Variants in PIK3C2G observed in about 807,000 individuals in gnomAD.
The protein encoded by PIK3C2G is phosphatidylinositol-4-phosphate 3-kinase catalytic subunit type 2 gamma.
PIK3C2G carries 168 observed loss-of-function variants against 181.1 expected under a neutral mutation model. That is an observed-to-expected ratio of 0.93 (90% CI 0.82 to 1.05). The LOEUF is 1.05. Among genes scored for constraint, PIK3C2G ranks in the 50% least tolerant of loss-of-function variants. PIK3C2G has a pLI of 0.00. For missense variants in PIK3C2G, 1,869 were observed against 1,732.8 expected, an observed-to-expected ratio of 1.08 and a Z score of -1.40; for synonymous variants, 573 against 592.2, an observed-to-expected ratio of 0.97 and a Z score of 0.47.
At chr12:18,350,895 CCT>C (rs1471391627) in intron 11 of PIK3C2G, among the ~76,000 whole-genome samples, 1 of 152,016 alleles carries the variant, frequency 6.6e-6, no homozygotes, top group Non-Finnish European at 1.5e-5. Context: ...TACCAGTATT[CCT>C]CTCTCAGGAA....
At chr12:18,544,882 C>T (rs768943591) in intron 25 of PIK3C2G, among the ~76,000 whole-genome samples, 38 of 151,746 alleles carry the variant, frequency 2.5e-4, no homozygotes, top group Admixed American at 5.3e-4. Context: ...CAATCTATCT[C>T]CCAGTTTTCT....
intron 18 of PIK3C2G, among the ~76,000 whole-genome samples, chr12:18,437,486 A>C (rs1946511318): frequency 6.6e-6 from 1 of 151,986 alleles, no homozygotes; most frequent in South Asian, 2.1e-4. Flanking sequence ...GACTCTTTAG[A>C]CTTGACAGTC....
At chr12:18,446,299 CAG>C (rs1201248863) in intron 18 of PIK3C2G, among the ~76,000 whole-genome samples, 1 of 152,126 alleles carries the variant, frequency 6.6e-6, no homozygotes, top group Non-Finnish European at 1.5e-5. Context: ...GGACAACATT[CAG>C]AGTCTCTCTT....
chr12:18,364,965 AATTTCTGGTTGTTTTAAAACATCAG>A (rs1273044645), intron 12 of PIK3C2G, among the ~76,000 whole-genome samples: 3 of 152,326 alleles, frequency 2.0e-5, no homozygotes, highest in South Asian at 2.1e-4. Context: ...AATTAAAAGT[AATTTCTGGTTGTTTTAAAACATCAG>A]ATTTATTTTC....
intron 10 of PIK3C2G, among the ~76,000 whole-genome samples, chr12:18,344,574 C>G (rs1939479011): frequency 6.6e-6 from 1 of 152,060 alleles, no homozygotes; most frequent in African/African-American, 2.4e-5. Context: ...CTGATTCTCC[C>G]TTTCTATCAG....
the PIK3C2G span, among the ~76,000 whole-genome samples, chr12:18,681,414 G>A: frequency 6.6e-6 from 1 of 151,912 alleles, no homozygotes; most frequent in African/African-American, 2.4e-5. Context: ...ATTTTTTCTT[G>A]TAAATGAATT....
intron 18 of PIK3C2G, among the ~76,000 whole-genome samples, chr12:18,450,279 A>G (rs1947276664): frequency 6.6e-6 from 1 of 152,146 alleles, no homozygotes; most frequent in Non-Finnish European, 1.5e-5. Flanking sequence ...GGCATGTGCC[A>G]CCACGCCTGG....
At chr12:18,520,502 A>G (rs1474374869) in intron 24 of PIK3C2G, among the ~76,000 whole-genome samples, 2 of 152,118 alleles carry the variant, frequency 1.3e-5, no homozygotes, top group East Asian at 1.9e-4. Flanking sequence ...CATTTGGTCA[A>G]CTAAGCTATT....
At chr12:18,304,465 C>T (rs548796209) in intron 5 of PIK3C2G, among the ~76,000 whole-genome samples, 1 of 152,268 alleles carries the variant, frequency 6.6e-6, no homozygotes, top group East Asian at 1.9e-4. Flanking sequence ...CCATGTTGGC[C>T]AGGCTGGTCT....
chr12:18,302,735 G>T (rs1290205879), intron 5 of PIK3C2G, among the ~76,000 whole-genome samples: 1 of 152,064 alleles, frequency 6.6e-6, no homozygotes, highest in Non-Finnish European at 1.5e-5. Context: ...CAGTGTAGTT[G>T]GGCACTAGAG....
At chr12:18,366,726 C>T (rs1333402209) in intron 12 of PIK3C2G, among the ~76,000 whole-genome samples, 1 of 146,322 alleles carries the variant, frequency 6.8e-6, no homozygotes, top group Non-Finnish European at 1.5e-5. Context: ...TATACTATAC[C>T]TGTTCCTTGG....
At chr12:18,415,298 T>C (rs1337136928) in intron 16 of PIK3C2G, among the ~76,000 whole-genome samples, 3 of 152,232 alleles carry the variant, frequency 2.0e-5, no homozygotes, top group Non-Finnish European at 4.4e-5. Flanking sequence ...ATATTTCAAG[T>C]ATCATTGTTA....
At chr12:18,462,692 G>A (rs113718825) in intron 18 of PIK3C2G, among the ~76,000 whole-genome samples, 11 of 152,156 alleles carry the variant, frequency 7.2e-5, no homozygotes, top group African/African-American at 2.7e-4. Context: ...TTAAAAGAGA[G>A]GAAGTTTTAA....
intron 30 of PIK3C2G, among the ~76,000 whole-genome samples, chr12:18,609,245 T>C (rs934620220): frequency 6.6e-6 from 1 of 151,958 alleles, no homozygotes; most frequent in Non-Finnish European, 1.5e-5. Flanking sequence ...AAGGAGAAAA[T>C]TGGAGCCAAA....
intron 13 of PIK3C2G, among the ~76,000 whole-genome samples, chr12:18,379,582 A>T (rs541354302): frequency 6.6e-6 from 1 of 152,322 alleles, no homozygotes; most frequent in African/African-American, 2.4e-5. Context: ...GGGGAAAAGG[A>T]TATATAAGAA....
intron 4 of PIK3C2G, among the ~76,000 whole-genome samples, chr12:18,293,459 CTT>C (rs1400336986): frequency 6.6e-6 from 1 of 152,072 alleles, no homozygotes; most frequent in Non-Finnish European, 1.5e-5. Flanking sequence ...AATTCAGAAT[CTT>C]TTATCTTGCT....
chr12:18,701,640 TC>T, the PIK3C2G span: 7 of 1,573,308 alleles, frequency 4.4e-6, no homozygotes, highest in African/African-American at 8.3e-5. Context: ...CTCCTCCTCC[TC>T]CTCCTCCTCC....
Position 18,371,313 on chromosome 12 carries a change from T to C in PIK3C2G, c.1880+2T>C. The C allele has an allele frequency of 6.2e-7, 1 of 1,603,560 alleles. No individual in the cohort carries two copies. Among genetic ancestry groups the C allele is most frequent in the Non-Finnish European group, 8.5e-7 (1 of 1,175,650 alleles). On this transcript the variant is annotated splice_donor_variant, in intron 13 of 32. Transcript: ENST00000538779. LOFTEE classifies it high-confidence loss of function. Reference sequence around the variant, plus strand: ...TTGTCTTCCACTGTTTCCAAAAGAGTAAGTGTATCAATTGTGAGTAATAAG... The same window carrying C: ...TTGTCTTCCACTGTTTCCAAAAGAGCAAGTGTATCAATTGTGAGTAATAAG...
rs181740170 is a variant in PIK3C2G at position 18,385,333 on chromosome 12, C to A, written c.1995+3453C>A. 2.0e-4 allele frequency among the ~76,000 whole-genome samples: 31 copies of A among 152,166 alleles called. No homozygotes were observed. The East Asian group carries it at 6.0e-3, about 29-fold the overall frequency. On this transcript the variant is annotated intron_variant, in intron 14 of 32. Transcript: ENST00000538779. ...TTCCAGGCAATACTTTTTTCAGGTC[C>A]TATGGTTGATTGATGTGCCGACCGG...
Sources: gnomAD v4.1 joint callset for allele counts (sites outside exome capture counted in the v4.1 genomes callset) on GRCh38, gnomAD v4.1.1 for gene constraint, MANE v1.5 for transcripts, NCBI Gene and HGNC (gene_info 2026-07-23, HGNC 2026-07-21) for gene names.